The following MIR2052HG variants were observed in gnomAD, a reference collection of about 807,000 sequenced individuals.
The protein encoded by MIR2052HG is MIR2052 host gene.
chr8:74,731,027 C>G (rs116240405), intron 4 of MIR2052HG, among the ~76,000 whole-genome samples: 2 of 151,998 alleles, frequency 1.3e-5, no homozygotes, highest in African/African-American at 4.8e-5. Flanking sequence ...TGGAAAGTCC[C>G]CAAAGTGTCC....
chr8:74,652,073 C>A (rs1321570035), intron 2 of MIR2052HG, among the ~76,000 whole-genome samples: 1 of 152,182 alleles, frequency 6.6e-6, no homozygotes, highest in Non-Finnish European at 1.5e-5. Flanking sequence ...ACTGGAACCC[C>A]TGAAAGGCTC....
rs1808902368 is a variant in MIR2052HG at position 74,664,638 on chromosome 8, C to G, written n.217-37741C>G. On this transcript the variant is annotated intron_variant and non_coding_transcript_variant, in intron 2 of 6. Transcript: ENST00000523442. ...GTTCAAGCGATTCTCCTGCCTCAGC[C>G]TCCTGAGTAGCTGGGATTACAGGTG... is the stretch of plus-strand genomic sequence containing the variant. 2.0e-5 allele frequency among the ~76,000 whole-genome samples: 3 copies of G among 152,134 alleles called. No homozygotes were observed. In the South Asian group the frequency reaches 6.2e-4, roughly 32 times the overall value.
intron 2 of MIR2052HG, among the ~76,000 whole-genome samples, chr8:74,625,991 A>G (rs1390869811): frequency 6.6e-6 from 1 of 152,172 alleles, no homozygotes; most frequent in African/African-American, 2.4e-5. Context: ...CACTTATAAC[A>G]TTAATTACAG....
intron 1 of MIR2052HG, among the ~76,000 whole-genome samples, chr8:74,605,543 T>C (rs1301408873): frequency 6.6e-6 from 1 of 152,200 alleles, no homozygotes; most frequent in Non-Finnish European, 1.5e-5. Flanking sequence ...TCTAGAGTAG[T>C]GTTAGTTGAG....
intron 1 of MIR2052HG, among the ~76,000 whole-genome samples, chr8:74,601,809 G>C (rs1367178204): frequency 6.6e-6 from 1 of 152,120 alleles, no homozygotes; most frequent in African/African-American, 2.4e-5. Flanking sequence ...ACCAGATTCT[G>C]ACTGGCTTGT....
intron 2 of MIR2052HG, among the ~76,000 whole-genome samples, chr8:74,702,114 A>G (rs977574490): frequency 2.6e-5 from 4 of 152,114 alleles, no homozygotes; most frequent in African/African-American, 9.7e-5. Flanking sequence ...GACTCAAGGT[A>G]TAAAACTTAG....
intron 1 of MIR2052HG, among the ~76,000 whole-genome samples, chr8:74,610,354 T>C (rs887958750): frequency 4.6e-5 from 7 of 151,914 alleles, no homozygotes; most frequent in Non-Finnish European, 8.8e-5. Context: ...CTATACAATA[T>C]TGCTGAGAAA....
At chr8:74,755,109 T>C (rs1809986073) in intron 5 of MIR2052HG, among the ~76,000 whole-genome samples, 1 of 152,226 alleles carries the variant, frequency 6.6e-6, no homozygotes, top group South Asian at 2.1e-4. Flanking sequence ...TTACATCTTC[T>C]AAATCATAAT....
intron 2 of MIR2052HG, among the ~76,000 whole-genome samples, chr8:74,654,502 C>A (rs1272357721): frequency 1.3e-5 from 2 of 152,106 alleles, no homozygotes; most frequent in South Asian, 4.1e-4. Context: ...GGGGGTGCAT[C>A]TTTCCCATGC....
At chr8:74,735,427 A>C (rs1022748203) in intron 4 of MIR2052HG, among the ~76,000 whole-genome samples, 1 of 152,130 alleles carries the variant, frequency 6.6e-6, no homozygotes, top group Admixed American at 6.5e-5. Context: ...CTCATTTCCA[A>C]ATGAGGAGAC....
At chr8:74,708,327 T>G (rs1563536772) in intron 4 of MIR2052HG, among the ~76,000 whole-genome samples, 1 of 152,148 alleles carries the variant, frequency 6.6e-6, no homozygotes. Context: ...CCAAACACAG[T>G]TCCTAGAAAT....
At chr8:74,698,997 A>T (rs1350341015) in intron 2 of MIR2052HG, among the ~76,000 whole-genome samples, 1 of 152,196 alleles carries the variant, frequency 6.6e-6, no homozygotes, top group Non-Finnish European at 1.5e-5. Flanking sequence ...GCCAACAAAC[A>T]TATGAAAGAA....
At chr8:74,683,212 G>A (rs269182) in intron 2 of MIR2052HG, among the ~76,000 whole-genome samples, 146,895 of 152,238 alleles carry the variant, frequency 0.96, 70,896 homozygotes, top group East Asian at 1. Flanking sequence ...GATATCTAAT[G>A]TTGCAAAATA....
chr8:74,653,360 G>A (rs189479769), intron 2 of MIR2052HG, among the ~76,000 whole-genome samples: 2 of 152,294 alleles, frequency 1.3e-5, no homozygotes, highest in South Asian at 2.1e-4. Context: ...ATCTGTAGAT[G>A]TGCTCATTGA....
chr8:74,670,400 A>T (rs189502465), intron 2 of MIR2052HG, among the ~76,000 whole-genome samples: 9 of 152,286 alleles, frequency 5.9e-5, no homozygotes, highest in Admixed American at 5.9e-4. Flanking sequence ...TATATATCTA[A>T]AGAAACTCCC....
At chr8:74,693,319 G>T (rs1338378200) in intron 2 of MIR2052HG, among the ~76,000 whole-genome samples, 2 of 152,174 alleles carry the variant, frequency 1.3e-5, no homozygotes, top group African/African-American at 2.4e-5. Context: ...TCTCACAGGG[G>T]TCCTTGGAGA....
intron 4 of MIR2052HG, among the ~76,000 whole-genome samples, chr8:74,724,231 T>A (rs2128754285): frequency 6.6e-6 from 1 of 152,154 alleles, no homozygotes; most frequent in East Asian, 1.9e-4. Context: ...AGCAATAGTA[T>A]TAAAGGCAGA....
At chr8:74,640,854 A>G (rs1470145566) in intron 2 of MIR2052HG, among the ~76,000 whole-genome samples, 17 of 152,196 alleles carry the variant, frequency 1.1e-4, no homozygotes, top group Admixed American at 1.1e-3. Flanking sequence ...CTTCAACAAG[A>G]ATAAACTGTA....
chr8:74,611,451 A>G (rs899566806), intron 1 of MIR2052HG, among the ~76,000 whole-genome samples: 1 of 152,164 alleles, frequency 6.6e-6, no homozygotes, highest in Non-Finnish European at 1.5e-5. Flanking sequence ...ATTTAATTTG[A>G]TTAATAGTTG....
Sources: gnomAD v4.1 joint callset for allele counts (sites outside exome capture counted in the v4.1 genomes callset) on GRCh38, gnomAD v4.1.1 for gene constraint, MANE v1.5 for transcripts, NCBI Gene and HGNC (gene_info 2026-07-23, HGNC 2026-07-21) for gene names.